Variants in EHF observed in about 807,000 individuals in gnomAD.
EHF encodes ESE3 transcription factor.
A neutral mutation model predicts 45.1 loss-of-function variants in EHF; 14 were observed. The ratio of observed to expected loss-of-function variants is 0.31; its 90% CI spans 0.21 to 0.49. The LOEUF (loss-of-function observed/expected upper bound fraction) is 0.49, where lower values mean the gene tolerates loss of function less well. Among genes scored for constraint, EHF ranks in the 20% least tolerant of loss-of-function variants. The pLI, the probability that EHF is intolerant of heterozygous loss-of-function variation, is 0.99. For missense variants in EHF, 282 were observed against 371.4 expected (o/e 0.76, Z 1.98); for synonymous variants, 136 against 131.8 (o/e 1.03, Z -0.22).
At chr11:34,651,866 T>A in intron 6 of EHF, 61 bp downstream of exon 6, 2 of 1,464,774 alleles carry the variant, frequency 1.4e-6, no homozygotes, top group Non-Finnish European at 9.4e-7. Context: ...TCAGTGGGAA[T>A]TACCAACACT....
At chr11:34,634,640 G>T (rs1235886952) in intron 1 of EHF, among the ~76,000 whole-genome samples, 1 of 152,160 alleles carries the variant, frequency 6.6e-6, no homozygotes. Context: ...TTCAGGTAAA[G>T]CATAAACAAT....
intron 1 of EHF, among the ~76,000 whole-genome samples, chr11:34,630,322 C>A (rs1852757160): frequency 6.6e-6 from 1 of 151,998 alleles, no homozygotes; most frequent in Admixed American, 6.5e-5. Context: ...AGTTGCTTAA[C>A]CTCTCTCTGT....
At chr11:34,632,342 C>G in intron 1 of EHF, 2 of 705,318 alleles carry the variant, frequency 2.8e-6, no homozygotes, top group Non-Finnish European at 4.3e-6. Flanking sequence ...ATAACAGAAG[C>G]CCCTGCCAGC....
chr11:34,625,066 A>G (rs886105857), intron 1 of EHF, among the ~76,000 whole-genome samples: 28 of 152,116 alleles, frequency 1.8e-4, no homozygotes, highest in African/African-American at 6.5e-4. Context: ...ATAAGCACGA[A>G]TCTGTGAGAG....
At position 34,662,961 on chromosome 11, in the gene EHF, T is replaced by C. The variant is rs1856177182; in HGVS notation, c.*4030T>C. ...CTGGAACTAGAGATAGAGCATTTATTAAAAAAAACTCCTGTTGAGACTGTG... is the reference window on the plus strand; with the variant it reads ...CTGGAACTAGAGATAGAGCATTTATCAAAAAAAACTCCTGTTGAGACTGTG... On this transcript the variant is annotated 3_prime_UTR_variant, in exon 9 of 9. Coordinates refer to ENST00000257831, the MANE Select transcript of EHF (RefSeq NM_012153.6). 6.6e-6 allele frequency among the ~76,000 whole-genome samples: 1 copy of C among 151,946 alleles called. No homozygotes were observed.
intron 7 of EHF, among the ~76,000 whole-genome samples, chr11:34,657,685 G>C (rs1408083603): frequency 1.3e-5 from 2 of 151,966 alleles, no homozygotes; most frequent in Non-Finnish European, 2.9e-5. Context: ...ATCTACTTGG[G>C]AGACTGAGGC....
chr11:34,624,538 T>C (rs1852204032), intron 1 of EHF, among the ~76,000 whole-genome samples: 1 of 152,196 alleles, frequency 6.6e-6, no homozygotes, highest in Non-Finnish European at 1.5e-5. Context: ...AAAAACGTGT[T>C]TACTTAAATT....
At chr11:34,629,832 G>A (rs1281181856) in intron 1 of EHF, among the ~76,000 whole-genome samples, 2 of 148,474 alleles carry the variant, frequency 1.3e-5, no homozygotes, top group East Asian at 4.0e-4. Flanking sequence ...TTCCAAAAGA[G>A]CCATAATTCA....
At chr11:34,630,931 C>G (rs1482684519) in intron 1 of EHF, among the ~76,000 whole-genome samples, 1 of 152,116 alleles carries the variant, frequency 6.6e-6, no homozygotes, top group African/African-American at 2.4e-5. Context: ...CCCAACGGCC[C>G]GGAGAACACT....
At chr11:34,626,469 A>G (rs1314163249) in intron 1 of EHF, among the ~76,000 whole-genome samples, 1 of 152,228 alleles carries the variant, frequency 6.6e-6, no homozygotes, top group African/African-American at 2.4e-5. Context: ...AGGTGAGCAG[A>G]GTCTGAAAGA....
At chr11:34,634,881 C>T (rs1301267644) in intron 1 of EHF, among the ~76,000 whole-genome samples, 2 of 152,134 alleles carry the variant, frequency 1.3e-5, no homozygotes, top group African/African-American at 2.4e-5. Flanking sequence ...TGGCAAAGCA[C>T]CCTCTTCTCA....
At chr11:34,657,118 CA>C in intron 7 of EHF, 148 bp downstream of exon 7, 1 of 928,736 alleles carries the variant, frequency 1.1e-6, no homozygotes, top group Non-Finnish European at 1.6e-6. Context: ...ATAGAGGCAT[CA>C]CTTGCTAGCA....
chr11:34,625,364 C>G (rs11032791), intron 1 of EHF, among the ~76,000 whole-genome samples: 1 of 152,208 alleles, frequency 6.6e-6, no homozygotes, highest in Non-Finnish European at 1.5e-5. Flanking sequence ...GGCAGGTGCT[C>G]TACTGGTGTC....
chr11:34,645,424 A>G (rs1172148305), intron 2 of EHF, among the ~76,000 whole-genome samples: 1 of 152,180 alleles, frequency 6.6e-6, no homozygotes, highest in Non-Finnish European at 1.5e-5. Context: ...AAATAAATAT[A>G]TGGTGAGCAT....
intron 4 of EHF, among the ~76,000 whole-genome samples, chr11:34,650,094 A>C (rs527689196): frequency 4.6e-5 from 7 of 152,210 alleles, no homozygotes; most frequent in Non-Finnish European, 1.0e-4. Context: ...CTAGAGATGG[A>C]TGCAGGACTT....
At position 34,658,884 on chromosome 11, in the gene EHF, T is replaced by C; in HGVS notation, c.856T>C (p.Tyr286His). The C allele has an allele frequency of 6.2e-7, 1 of 1,613,440 alleles. No individual in the cohort carries two copies. The highest frequency in any genetic ancestry group is 2.2e-5 in the East Asian group (1 of 44,832). Residue 286 changes from tyrosine (Y) to histidine (H), a missense_variant, in exon 9 of 9, where the codon TAT (tyrosine) becomes CAT (histidine). Transcript: ENST00000257831. ...GCGTGTGGATGGACGAAGACTGGTATATAAATTTGGGAAGAATGCCCGAGG... is the reference window on the plus strand; with the variant it reads ...GCGTGTGGATGGACGAAGACTGGTACATAAATTTGGGAAGAATGCCCGAGG... ...LERVDGRRLV[Y>H]KFGKNARGWR...
intron 1 of EHF, chr11:34,632,468 C>A: frequency 6.6e-7 from 1 of 1,509,430 alleles, no homozygotes; most frequent in Non-Finnish European, 8.8e-7. Flanking sequence ...CCAGACAACC[C>A]ACTGCTTTAT....
chr11:34,630,637 C>A (rs893750877), intron 1 of EHF, among the ~76,000 whole-genome samples: 1 of 151,576 alleles, frequency 6.6e-6, no homozygotes, highest in Non-Finnish European at 1.5e-5. Context: ...AATCCCCACC[C>A]CTTACCGTCC....
intron 1 of EHF, among the ~76,000 whole-genome samples, chr11:34,631,276 C>T (rs192899349): frequency 2.6e-5 from 4 of 152,150 alleles, no homozygotes; most frequent in African/African-American, 9.7e-5. Context: ...AAGTGATATG[C>T]CCGCCTCGGA....
Sources: gnomAD v4.1 joint callset for allele counts (sites outside exome capture counted in the v4.1 genomes callset) on GRCh38, gnomAD v4.1.1 for gene constraint, MANE v1.5 for transcripts, NCBI Gene and HGNC (gene_info 2026-07-23, HGNC 2026-07-21) for gene names.